RTL9: variants seen among roughly 807,000 people sequenced by gnomAD.
RTL9 encodes retrotransposon Gag like 9, also known as retrotransposon Gag-like protein 9.
In RTL9, 19 loss-of-function variants were observed where a neutral mutation model predicts 44.7. The ratio of observed to expected loss-of-function variants is 0.42; its 90% CI spans 0.30 to 0.62. The LOEUF is 0.62. Among genes scored for constraint, RTL9 ranks in the 20% least tolerant of loss-of-function variants. RTL9 has a pLI of 0.16. For synonymous variants in RTL9, 407 were observed against 398.9 expected, an observed-to-expected ratio of 1.02 and a Z score of -0.24; for missense variants, 1,105 against 1,080.6, an observed-to-expected ratio of 1.02 and a Z score of -0.32.
At chrX:110,450,823 C>T (rs1210820748) in exon 1 of RTL9, 1 of 1,211,448 alleles carries the variant, frequency 8.3e-7, no homozygotes, top group Admixed American at 2.2e-5. Context: ...ATGACATCTC[C>T]AGTCTTTGAC....
chrX:110,361,519 TC>T (rs1487041030), intron 1 of RTL9, among the ~76,000 whole-genome samples: 1 of 111,276 alleles, frequency 9.0e-6, no homozygotes, highest in Non-Finnish European at 1.9e-5. Context: ...TCCAATGGCT[TC>T]CCATCTGACA....
At chrX:110,421,634 A>G (rs2068718102) in intron 1 of RTL9, among the ~76,000 whole-genome samples, 1 of 112,947 alleles carries the variant, frequency 8.9e-6, no homozygotes. Context: ...TTGATTATAG[A>G]AGTGTAAACA....
chrX:110,439,633 C>T (rs2068865106), intron 1 of RTL9, among the ~76,000 whole-genome samples: 1 of 111,949 alleles, frequency 8.9e-6, no homozygotes, highest in Admixed American at 9.4e-5. Context: ...CAGAAGACCC[C>T]AAAGGACAGG....
exon 1 of RTL9, chrX:110,451,443 G>C: frequency 5.0e-6 from 6 of 1,211,792 alleles, no homozygotes; most frequent in Non-Finnish European, 6.7e-6. Flanking sequence ...AATGTCAGCT[G>C]TAGCTTCTGG....
intron 1 of RTL9, among the ~76,000 whole-genome samples, chrX:110,454,876 C>G (rs750097278): frequency 4.5e-5 from 5 of 111,494 alleles, no homozygotes; most frequent in East Asian, 5.7e-4. Context: ...ATGTCCTGCC[C>G]AAGTTACTGA....
At chrX:110,418,898 C>T (rs893895825), upstream of RTL9, among the ~76,000 whole-genome samples, 1 of 110,575 alleles carries the variant, frequency 9.0e-6, no homozygotes, top group Non-Finnish European at 1.9e-5. Context: ...GGCCTGAGCC[C>T]ACCCCCGCCC....
intron 1 of RTL9, among the ~76,000 whole-genome samples, chrX:110,423,925 G>A (rs1473396357): frequency 8.9e-6 from 1 of 112,374 alleles, no homozygotes; most frequent in Non-Finnish European, 1.9e-5. Flanking sequence ...GATGCTAAAG[G>A]ATGTCTGTAG....
At chrX:110,401,565 G>A (rs1194589545) in intron 1 of RTL9, among the ~76,000 whole-genome samples, 1 of 111,734 alleles carries the variant, frequency 8.9e-6, no homozygotes, top group Admixed American at 9.4e-5. Context: ...GAGGCATGTA[G>A]GTGTTTCTGT....
At chrX:110,388,113 C>G (rs576691814) in intron 1 of RTL9, among the ~76,000 whole-genome samples, 12 of 111,037 alleles carry the variant, frequency 1.1e-4, no homozygotes, top group South Asian at 3.8e-4. Context: ...ATGATCTGCC[C>G]GCCTCAGCCT....
exon 1 of RTL9, chrX:110,454,101 T>C (rs778189661): frequency 9.1e-6 from 11 of 1,210,460 alleles, no homozygotes; most frequent in Non-Finnish European, 1.1e-5. Flanking sequence ...CCGGGGCTCA[T>C]GCTCTGTGGA....
chrX:110,410,091 C>T (rs2068631253), intron 1 of RTL9, among the ~76,000 whole-genome samples: 2 of 111,903 alleles, frequency 1.8e-5, no homozygotes, highest in Admixed American at 9.5e-5. Context: ...ACCACTCAGA[C>T]TGACTTTCTC....
chrX:110,376,323 C>T (rs1363974665), intron 1 of RTL9, among the ~76,000 whole-genome samples: 1 of 110,718 alleles, frequency 9.0e-6, no homozygotes, highest in Non-Finnish European at 1.9e-5. Flanking sequence ...GTCCAGGAAG[C>T]TGGTCTTGGC....
At chrX:110,425,056 T>C (rs905521245) in intron 1 of RTL9, among the ~76,000 whole-genome samples, 2 of 111,999 alleles carry the variant, frequency 1.8e-5, no homozygotes, top group African/African-American at 6.5e-5. Flanking sequence ...TATGTCAGAA[T>C]CCTCTTATAA....
At chrX:110,361,027 T>G (rs1449186413) in intron 1 of RTL9, among the ~76,000 whole-genome samples, 1 of 111,027 alleles carries the variant, frequency 9.0e-6, no homozygotes, top group East Asian at 2.8e-4. Context: ...CATACTTTTA[T>G]GCCCAATTGC....
intron 1 of RTL9, among the ~76,000 whole-genome samples, chrX:110,391,649 C>T (rs2068494324): frequency 8.9e-6 from 1 of 112,022 alleles, no homozygotes; most frequent in South Asian, 3.7e-4. Context: ...CTTTAAACTT[C>T]TGGTGTATTC....
At chrX:110,365,870 G>C (rs1434852689) in intron 1 of RTL9, among the ~76,000 whole-genome samples, 1 of 112,092 alleles carries the variant, frequency 8.9e-6, no homozygotes, top group Non-Finnish European at 1.9e-5. Context: ...TAGTAAATAT[G>C]CATGCTGCTT....
chrX:110,433,862 C>A (rs2148333834), intron 1 of RTL9, among the ~76,000 whole-genome samples: 1 of 112,158 alleles, frequency 8.9e-6, no homozygotes, highest in African/African-American at 3.2e-5. Context: ...AATGAGGAAA[C>A]CAGTATCTTA....
At chrX:110,418,873 A>T (rs1345992402), upstream of RTL9, among the ~76,000 whole-genome samples, 1 of 111,688 alleles carries the variant, frequency 9.0e-6, no homozygotes, top group Non-Finnish European at 1.9e-5. Context: ...AAACATGCTA[A>T]AAAGCTTCAG....
At chrX:110,451,336 A>C in exon 1 of RTL9, 1 of 1,211,973 alleles carries the variant, frequency 8.3e-7, no homozygotes, top group Non-Finnish European at 1.1e-6. Context: ...GAAGACACCG[A>C]AGCAATGTCC....
Sources: allele counts gnomAD v4.1 joint callset (sites outside exome capture counted in the v4.1 genomes callset), GRCh38; gene constraint gnomAD v4.1.1; transcripts MANE v1.5; gene names NCBI Gene and HGNC (gene_info 2026-07-23, HGNC 2026-07-21).